The following SPTBN1 variants were observed in gnomAD, a reference collection of about 807,000 sequenced individuals.
The protein encoded by SPTBN1 is spectrin beta chain, non-erythrocytic 1.
SPTBN1 carries 32 observed loss-of-function variants against 266.4 expected under a neutral mutation model. The ratio of observed to expected loss-of-function variants is 0.12; its 90% confidence interval spans 0.09 to 0.16. The LOEUF (loss-of-function observed/expected upper bound fraction) is 0.16, where lower values mean the gene tolerates loss of function less well. Among genes scored for constraint, SPTBN1 ranks in the 10% least tolerant of loss-of-function variants. The pLI is 1.00. For synonymous variants in SPTBN1, 1,336 were observed against 1,162.2 expected (o/e 1.15, Z -3.04); for missense variants, 2,296 against 3,067.1 (o/e 0.75, Z 5.94).
intron 1 of SPTBN1, among the ~76,000 whole-genome samples, chr2:54,507,659 G>A (rs1669643194): frequency 6.6e-6 from 1 of 152,130 alleles, no homozygotes; most frequent in South Asian, 2.1e-4. Flanking sequence ...TCTAATTAGA[G>A]TGTCCAAGGG....
chr2:54,586,676 T>C (rs1465580929), intron 2 of SPTBN1, among the ~76,000 whole-genome samples: 1 of 152,236 alleles, frequency 6.6e-6, no homozygotes, highest in Non-Finnish European at 1.5e-5. Flanking sequence ...CTCCCCCTCT[T>C]TCTGGTCTTT....
intron 1 of SPTBN1, among the ~76,000 whole-genome samples, chr2:54,507,263 A>G (rs1428236056): frequency 6.6e-6 from 1 of 152,130 alleles, no homozygotes; most frequent in Non-Finnish European, 1.5e-5. Flanking sequence ...CACTGGGGAT[A>G]TGATGGCTTA....
At chr2:54,595,541 A>G (rs1401497765) in intron 2 of SPTBN1, among the ~76,000 whole-genome samples, 1 of 152,272 alleles carries the variant, frequency 6.6e-6, no homozygotes, top group Non-Finnish European at 1.5e-5. Flanking sequence ...CACATCGCCC[A>G]GACCCAGCCC....
At chr2:54,601,681 A>G (rs1263565184) in intron 3 of SPTBN1, among the ~76,000 whole-genome samples, 2 of 152,192 alleles carry the variant, frequency 1.3e-5, no homozygotes, top group African/African-American at 4.8e-5. Flanking sequence ...GTCAGCCAGC[A>G]TTTTAGCCCC....
intron 2 of SPTBN1, among the ~76,000 whole-genome samples, chr2:54,594,829 G>GTTTTTTTTTTTTTTTTTT (rs566074908): frequency 2.2e-5 from 1 of 46,386 alleles, no homozygotes; most frequent in African/African-American, 1.7e-4. Context: ...CCTCTGGTAA[G>GTTTTTTTTTTTTTTTTTT]TTTCTTTTTT....
In SPTBN1 at chr2:54,666,101, G is replaced by A. The variant is rs750066674; in HGVS notation, c.6833+13G>A. ...TATTCAAGCTAAGGTGAGAGTCGCC[G>A]TGCTTCATGGCTGCCAGAGTGGGTT... On this transcript the variant is annotated intron_variant, in intron 34 of 35. Coordinates refer to ENST00000356805, the MANE Select transcript of SPTBN1 (RefSeq NM_003128.3). The A allele has an allele frequency of 2.5e-6, 4 of 1,600,466 alleles. No individual in the cohort carries two copies. Among genetic ancestry groups the A allele is most frequent in the Non-Finnish European group, 3.4e-6 (4 of 1,173,568 alleles).
intron 2 of SPTBN1, among the ~76,000 whole-genome samples, chr2:54,572,482 GT>G (rs1674158619): frequency 6.6e-6 from 1 of 152,180 alleles, no homozygotes; most frequent in South Asian, 2.1e-4. Context: ...AAGCCAGGCA[GT>G]TAAATCACAC....
At chr2:54,501,054 A>G (rs1669238510) in intron 1 of SPTBN1, among the ~76,000 whole-genome samples, 1 of 152,160 alleles carries the variant, frequency 6.6e-6, no homozygotes, top group South Asian at 2.1e-4. Flanking sequence ...GATTTCTGGA[A>G]GGGATGTCAG....
At chr2:54,612,534 A>G (rs548624441) in intron 4 of SPTBN1, among the ~76,000 whole-genome samples, 200 bp downstream of exon 4, 15 of 152,250 alleles carry the variant, frequency 9.9e-5, no homozygotes, top group African/African-American at 2.9e-4. Flanking sequence ...TCCTCCTGCA[A>G]TTGTACTAGC....
chr2:54,457,617 G>A (rs1693127413), intron 1 of SPTBN1, among the ~76,000 whole-genome samples: 1 of 152,200 alleles, frequency 6.6e-6, no homozygotes, highest in Non-Finnish European at 1.5e-5. Context: ...CCGTGATGCA[G>A]CACAATGCAG....
At chr2:54,612,841 T>A (rs1291233207) in intron 4 of SPTBN1, among the ~76,000 whole-genome samples, 1 of 152,192 alleles carries the variant, frequency 6.6e-6, no homozygotes, top group Non-Finnish European at 1.5e-5. Context: ...AGGAAGCAGT[T>A]TGCAGGAGGA....
intron 2 of SPTBN1, among the ~76,000 whole-genome samples, chr2:54,578,110 A>G (rs1338680988): frequency 1.3e-5 from 2 of 152,210 alleles, no homozygotes; most frequent in Admixed American, 6.5e-5. Flanking sequence ...TTTTCCCAGT[A>G]TATGAAATTA....
chr2:54,578,903 T>C (rs1328817074), intron 2 of SPTBN1, among the ~76,000 whole-genome samples: 1 of 152,110 alleles, frequency 6.6e-6, no homozygotes, highest in African/African-American at 2.4e-5. Context: ...ATGCCCTCTC[T>C]GTCCAGGAGA....
intron 3 of SPTBN1, among the ~76,000 whole-genome samples, chr2:54,603,132 C>T (rs2103721176): frequency 6.6e-6 from 1 of 152,260 alleles, no homozygotes; most frequent in Admixed American, 6.5e-5. Context: ...GAGATGAGCC[C>T]TCTGGACAGG....
chr2:54,582,649 A>G (rs6732949), intron 2 of SPTBN1, among the ~76,000 whole-genome samples: 121,629 of 152,042 alleles, frequency 0.8, 49,323 homozygotes, highest in African/African-American at 0.94. Context: ...TTTCGGAATT[A>G]TCAGGAATTA....
In SPTBN1 at chr2:54,625,988, C is replaced by T. The variant is rs1338236806; in HGVS notation, c.1398C>T (p.Ala466=). ...AGGCCGCCACAAAAAAGCACGAGGCCATTGAGACAGACATTGCCGCATACG... is the reference window on the plus strand; with the variant it reads ...AGGCCGCCACAAAAAAGCACGAGGCTATTGAGACAGACATTGCCGCATACG... ...AVEAATKKHE[A]IETDIAAYEE... is the part of the protein sequence containing the mutation. Residue 466 remains alanine, a synonymous_variant, in exon 12 of 36, where the codon GCC becomes GCT. Transcript: ENST00000356805. 1 of 1,614,028 alleles carries T rather than the reference C, an allele frequency of 6.2e-7. No homozygotes were observed. The highest frequency in any genetic ancestry group is 1.3e-5 in the African/African-American group (1 of 74,892).
intron 2 of SPTBN1, among the ~76,000 whole-genome samples, chr2:54,557,279 A>G (rs549887332): frequency 1.3e-5 from 2 of 152,134 alleles, no homozygotes; most frequent in African/African-American, 4.8e-5. Context: ...TTTACTACAT[A>G]TTGGGATCCC....
intron 1 of SPTBN1, among the ~76,000 whole-genome samples, chr2:54,522,347 G>A (rs1670492034): frequency 6.6e-6 from 1 of 152,036 alleles, no homozygotes; most frequent in South Asian, 2.1e-4. Flanking sequence ...AGTAATCTGT[G>A]GGCTGGGCAA....
At position 54,499,729 on chromosome 2, in the gene SPTBN1, A is replaced by G. The variant is rs990198174; in HGVS notation, c.-47-26643A>G. Among the ~76,000 whole-genome samples, 3 of 152,244 alleles carry G rather than the reference A, an allele frequency of 2.0e-5. No individual in the cohort carries two copies. The East Asian group carries it at 5.8e-4, about 29-fold the overall frequency. Reference sequence around the variant, plus strand: ...GGCATTTTCTGGTAGATAAAGCTTCAGAAACCTTCACATCTGCACATGATT... The same window carrying G: ...GGCATTTTCTGGTAGATAAAGCTTCGGAAACCTTCACATCTGCACATGATT... On this transcript the variant is annotated intron_variant, in intron 1 of 35. Transcript: ENST00000356805.
Sources: gnomAD v4.1 joint callset for allele counts (sites outside exome capture counted in the v4.1 genomes callset) on GRCh38, gnomAD v4.1.1 for gene constraint, MANE v1.5 for transcripts, NCBI Gene and HGNC (gene_info 2026-07-23, HGNC 2026-07-21) for gene names.